RO60: variants seen among roughly 807,000 people sequenced by gnomAD.
The protein encoded by RO60 is RNA-binding protein RO60.
A neutral mutation model predicts 55.3 loss-of-function variants in RO60; 20 were observed. The observed-to-expected ratio is 0.36, with a 90% CI of 0.25 to 0.53. The LOEUF (loss-of-function observed/expected upper bound fraction) is 0.53. RO60 is among the 20% of genes least tolerant of loss of function. The probability of loss-of-function intolerance (pLI) is 0.92; values close to 1 mark genes in which losing one functional copy is unlikely to be tolerated. For synonymous variants in RO60, 213 were observed against 213.6 expected (o/e 1.00, Z 0.02); for missense variants, 558 against 646.6 (o/e 0.86, Z 1.49).
Position 193,086,690 on chromosome 1 carries a change from C to T in RO60, c.*1959C>T, listed in dbSNP as rs969330579. 2.0e-5 allele frequency: 3 copies of T among 151,962 alleles called. No homozygotes were observed. The highest frequency in any genetic ancestry group is 4.4e-5 in the Non-Finnish European group (3 of 67,958). 9.4% of individuals were successfully genotyped at this position (151,962 alleles called of 1,614,324 possible). ...TCAGTTGTGTACTATTTCCATAATA[C>T]TTTTAGACAAATATATCTATAAGTT... On this transcript the variant is annotated 3_prime_UTR_variant, in exon 9 of 9. Transcript: ENST00000400968.
rs896908979 is a variant in RO60 at position 193,086,064 on chromosome 1, A to C, written c.*1333A>C. On this transcript the variant is annotated 3_prime_UTR_variant, in exon 9 of 9. Coordinates refer to ENST00000400968, the MANE Select transcript of RO60 (RefSeq NM_001173524.2). ...CCTGTTTGCGTATCTGTTGTTCTCT[A>C]AATATTAATTGAAGATTTACTGAGG... 1.0e-6 allele frequency: 1 copy of C among 971,532 alleles called. No homozygotes were observed. The highest frequency in any genetic ancestry group is 6.2e-5 in the Admixed American group (1 of 16,222). The allele number at this position is 971,532 out of a possible 1,614,324, so 60.2% of individuals were successfully genotyped here.
At chr1:193,077,261 T>G (rs1051222948) in intron 5 of RO60, among the ~76,000 whole-genome samples, 9 of 152,210 alleles carry the variant, frequency 5.9e-5, no homozygotes, top group African/African-American at 2.2e-4. Flanking sequence ...CAACTAATTA[T>G]TCTAAGATCA....
Position 193,069,437 on chromosome 1 carries a change from T to TACC in RO60, c.383_384insACC (p.Phe128delinsLeuPro). 6.2e-7 allele frequency: 1 copy of TACC among 1,614,202 alleles called. No homozygotes were observed. Among genetic ancestry groups the TACC allele is most frequent in the Non-Finnish European group, 8.5e-7 (1 of 1,180,032 alleles). On this transcript the variant is annotated protein_altering_variant, in exon 2 of 9. Transcript: ENST00000400968. ...CGCATTCCTACCCATCTCTTTACTT[T>TACC]TATCCAGTTTAAGAAAGATCTGAAG...
At chr1:193,074,122 A>C (rs1216933463) in intron 2 of RO60, among the ~76,000 whole-genome samples, 1 of 152,018 alleles carries the variant, frequency 6.6e-6, no homozygotes, top group Non-Finnish European at 1.5e-5. Flanking sequence ...ACATTTTCTT[A>C]ATCCAGTCTA....
At chr1:193,091,425 T>A, downstream of RO60, 1 of 401,242 alleles carries the variant, frequency 2.5e-6, no homozygotes. Flanking sequence ...TTATTTCATT[T>A]CCAAGGAAAG....
chr1:193,084,888 A>C lies in RO60; in HGVS notation c.*157A>C. 6.8e-7 allele frequency: 1 copy of C among 1,474,690 alleles called. No individual in the cohort carries two copies. Among genetic ancestry groups the C allele is most frequent in the Non-Finnish European group, 8.9e-7 (1 of 1,117,594 alleles). The allele number at this position is 1,474,690 out of a possible 1,614,324, so 91.4% of individuals were successfully genotyped here. ...ACTGAAAAAAAAAAAAGAAGGAAAA[A>C]TAAGATGGGCCCAAAGGTCTATCTA... On this transcript the variant is annotated 3_prime_UTR_variant, in exon 9 of 9. Transcript: ENST00000400968.
At chr1:193,076,868 T>A (rs1558246723) in intron 4 of RO60, 45 bp from the exon 5 acceptor site, 1 of 1,579,266 alleles carries the variant, frequency 6.3e-7, no homozygotes, top group South Asian at 1.1e-5. Flanking sequence ...GGAGTATACA[T>A]AATCACTGTT....
chr1:193,065,999 C>T (rs1417855116), intron 1 of RO60, among the ~76,000 whole-genome samples: 1 of 152,274 alleles, frequency 6.6e-6, no homozygotes, highest in East Asian at 1.9e-4. Flanking sequence ...TTCATTCCTC[C>T]CCTCTCTACC....
At chr1:193,062,382 T>C (rs370775925) in intron 1 of RO60, among the ~76,000 whole-genome samples, 25 of 152,246 alleles carry the variant, frequency 1.6e-4, no homozygotes, top group East Asian at 9.6e-4. Flanking sequence ...GGGCTAAATA[T>C]AATTTTTGTG....
chr1:193,085,468 A>G lies in RO60; in HGVS notation c.*737A>G. 1.0e-6 allele frequency: 1 copy of G among 980,746 alleles called. No homozygotes were observed. Among genetic ancestry groups the G allele is most frequent in the Admixed American group, 6.3e-5 (1 of 15,846 alleles). 60.8% of individuals were successfully genotyped at this position (980,746 alleles called of 1,614,324 possible). Reference sequence around the variant, plus strand: ...TGCTTTTTTTTTTTTGCTTTGTTATATTTTATTGCTACAAGGGGTGTGACT... The same window carrying G: ...TGCTTTTTTTTTTTTGCTTTGTTATGTTTTATTGCTACAAGGGGTGTGACT... On this transcript the variant is annotated 3_prime_UTR_variant, in exon 9 of 9. Transcript: ENST00000400968.
chr1:193,082,584 G>A lies in RO60; in HGVS notation c.1340G>A (p.Cys447Tyr), dbSNP rs1558252724. The change falls in exon 8 of 9, where the codon TGC becomes TAC. Residue 447 changes from cysteine (C) to tyrosine (Y), a missense_variant. Cys to Tyr is a radical substitution (Grantham distance 194). Coordinates refer to ENST00000400968, the MANE Select transcript of RO60 (RefSeq NM_001173524.2). ...TAGATCCCAGCAGGTGGAACTGATT[G>A]CTCTCTTCCAATGATCTGGGCTCAG... ...MSQIPAGGTD[C>Y]SLPMIWAQKT... The A allele has an allele frequency of 6.2e-7, 1 of 1,613,648 alleles. No homozygotes were observed. Among genetic ancestry groups the A allele is most frequent in the Admixed American group, 1.7e-5 (1 of 59,944 alleles).
Position 193,059,871 on chromosome 1 carries a change from C to G in RO60, c.-22+95C>G, listed in dbSNP as rs990140768. 1 of 1,364,672 alleles carries G rather than the reference C, an allele frequency of 7.3e-7. No homozygotes were observed. The highest frequency in any genetic ancestry group is 1.9e-5 in the Admixed American group (1 of 52,336). The allele number at this position is 1,364,672 out of a possible 1,614,324, so 84.5% of individuals were successfully genotyped here. A position where few individuals can be genotyped will look rare whatever the true frequency, so the allele number is the denominator to read the frequency against. ...TCCTCCATGTCTCTCACCCGCATCC[C>G]AGGGGTTGAGGCTGGGCAAACGCCG... On this transcript the variant is annotated intron_variant, in intron 1 of 8. Coordinates refer to ENST00000400968, the MANE Select transcript of RO60 (RefSeq NM_001173524.2). The surrounding 1 kb of genome is among the most constrained non-coding windows in gnomAD (Gnocchi z 4.9).
Position 193,085,295 on chromosome 1 carries a change from AAATAACAGC to A in RO60, c.*565_*573del. 1 of 1,080,518 alleles carries A rather than the reference AAATAACAGC, an allele frequency of 9.3e-7. No individual in the cohort carries two copies. The highest frequency in any genetic ancestry group is 1.1e-6 in the Non-Finnish European group (1 of 890,288). 66.9% of individuals were successfully genotyped at this position (1,080,518 alleles called of 1,614,324 possible). A position where few individuals can be genotyped will look rare whatever the true frequency, so the allele number is the denominator to read the frequency against. ...TTTCAGAGTTTTACTAAGATCACAC[AAATAACAGC>A]TTTCTTATTCAGTGAAAAAGATATT... On this transcript the variant is annotated 3_prime_UTR_variant, in exon 9 of 9. Coordinates refer to ENST00000400968, the MANE Select transcript of RO60 (RefSeq NM_001173524.2).
chr1:193,082,249 C>T lies in RO60; in HGVS notation c.1267C>T (p.Pro423Ser). 1.9e-6 allele frequency: 3 copies of T among 1,613,382 alleles called. No individual in the cohort carries two copies. The highest frequency in any genetic ancestry group is 2.5e-6 in the Non-Finnish European group (3 of 1,179,680). The change falls in exon 7 of 9, where the codon CCA becomes TCA. Residue 423 changes from proline (P) to serine (S), a missense_variant. Pro to Ser is a moderately conservative substitution (Grantham distance 74). Transcript: ENST00000400968. ...VAFSDEMVPCPVTTDMTLQQV... is the reference protein window; with the variant it reads ...VAFSDEMVPCSVTTDMTLQQV... The stretch of plus-strand genomic sequence containing the variant: ...TTTTTCCGATGAAATGGTACCATGT[C>T]CAGTGACTACAGATATGACCTTACA...
chr1:193,075,061 T>C (rs1673809904), intron 2 of RO60, among the ~76,000 whole-genome samples: 1 of 152,180 alleles, frequency 6.6e-6, no homozygotes. Context: ...GTGCCTGGCC[T>C]CACCGTGGTG....
chr1:193,067,566 G>A (rs1352615590), intron 1 of RO60, among the ~76,000 whole-genome samples: 2 of 152,028 alleles, frequency 1.3e-5, no homozygotes, highest in Non-Finnish European at 2.9e-5. Flanking sequence ...GTAAATGCTG[G>A]TTTAAGTTTT....
At chr1:193,070,457 TAAG>T (rs1230956942) in intron 2 of RO60, 4 of 316,196 alleles carry the variant, frequency 1.3e-5, no homozygotes, top group South Asian at 9.3e-5. Context: ...AGAAAAGAAA[TAAG>T]AAAAACTCTT....
At chr1:193,070,202 A>G (rs1673391674) in intron 2 of RO60, among the ~76,000 whole-genome samples, 1 of 151,374 alleles carries the variant, frequency 6.6e-6, no homozygotes, top group Non-Finnish European at 1.5e-5. Context: ...AGTAGGCGGC[A>G]GATGGCCATG....
Position 193,089,271 on chromosome 1 carries a change from A to G in RO60, c.*4540A>G, listed in dbSNP as rs1674754100. 1.3e-5 allele frequency: 2 copies of G among 152,180 alleles called. No homozygotes were observed. Among genetic ancestry groups the G allele is most frequent in the African/African-American group, 4.8e-5 (2 of 41,476 alleles). The allele number at this position is 152,180 out of a possible 1,614,324, so 9.4% of individuals were successfully genotyped here. On this transcript the variant is annotated 3_prime_UTR_variant, in exon 9 of 9. Coordinates refer to ENST00000400968, the MANE Select transcript of RO60 (RefSeq NM_001173524.2). The stretch of plus-strand genomic sequence containing the variant: ...TTAACTGATTACTCTTTCAGAAAAT[A>G]GCAGGTGTCTCAATGCTTTTTTTCC...
Sources: gnomAD v4.1 joint callset for allele counts (sites outside exome capture counted in the v4.1 genomes callset) on GRCh38, gnomAD v4.1.1 for gene constraint, Gnocchi (gnomAD v3.1) non-coding constraint, MANE v1.5 for transcripts, NCBI Gene and HGNC (gene_info 2026-07-23, HGNC 2026-07-21) for gene names.